The following TUT4 variants were observed in gnomAD, a reference collection of about 807,000 sequenced individuals.
TUT4 encodes the protein terminal uridylyl transferase 4.
A neutral mutation model predicts 192.2 loss-of-function variants in TUT4; 36 were observed. That is an observed-to-expected ratio of 0.19 (90% confidence interval 0.14 to 0.25). The LOEUF (loss-of-function observed/expected upper bound fraction) is 0.25. Among genes scored for constraint, TUT4 ranks in the 10% least tolerant of loss-of-function variants. TUT4 has a pLI of 1.00. For missense variants in TUT4, 1,493 were observed against 1,957.2 expected, an observed-to-expected ratio of 0.76 and a Z score of 4.47; for synonymous variants, 618 against 666.0, an observed-to-expected ratio of 0.93 and a Z score of 1.11.
In TUT4 at chr1:52,525,735, T is replaced by G; in HGVS notation, c.546A>C (p.Lys182Asn). 6.2e-7 allele frequency: 1 copy of G among 1,614,200 alleles called. No homozygotes were observed. Among genetic ancestry groups the G allele is most frequent in the Non-Finnish European group, 8.5e-7 (1 of 1,180,036 alleles). ...RQKTELQQIGKKIPSSFTSVD... is the reference protein window; with the variant it reads ...RQKTELQQIGNKIPSSFTSVD... ...CAGAAGTAAAGGAGCTTGGAATTTT[T>G]TTTCCAATCTGTTGTAATTCTGTCT... Residue 182 changes from lysine to asparagine, a missense_variant, in exon 2 of 30, where the codon AAA (lysine) becomes AAC (asparagine). By Grantham distance (94) the Lys-to-Asn change is moderately conservative (BLOSUM62 0). This residue lies in a region of TUT4 where 260 missense variants were observed against 247.8 expected (regional missense o/e 1.05). Coordinates refer to ENST00000257177, the MANE Select transcript of TUT4 (RefSeq NM_001009881.3).
intron 16 of TUT4, chr1:52,462,286 T>C (rs6664835): frequency 0.025 from 3,828 of 150,826 alleles, 144 homozygotes; most frequent in African/African-American, 0.086. Flanking sequence ...CCCGGGTTCA[T>C]GCCATTCTCC....
chr1:52,529,212 T>C, intron 1 of TUT4, among the ~76,000 whole-genome samples: 1 of 152,146 alleles, frequency 6.6e-6, no homozygotes, highest in Non-Finnish European at 1.5e-5. Context: ...AAAAAAATTT[T>C]AAACCACACT....
intron 20 of TUT4, among the ~76,000 whole-genome samples, chr1:52,454,327 ATT>A: frequency 6.6e-6 from 1 of 152,354 alleles, no homozygotes; most frequent in African/African-American, 2.4e-5. Flanking sequence ...CTCAAGAGTT[ATT>A]ATAACACTAC....
rs1229694130 is a variant in TUT4 at position 52,507,838 on chromosome 1, T to C, written c.999+1758A>G. On this transcript the variant is annotated intron_variant, in intron 4 of 29. Transcript: ENST00000257177. The stretch of plus-strand genomic sequence containing the variant: ...CCTTTTTCTTTTTTTTGTGATAGAG[T>C]CTCGCTCCCTCGCCCAGACTAAAGT... Among the ~76,000 whole-genome samples, 18 of 152,006 alleles carry C rather than the reference T, an allele frequency of 1.2e-4. 1 individual carries two copies. Among genetic ancestry groups the C allele is most frequent in the African/African-American group, 3.9e-4 (16 of 41,380 alleles).
At chr1:52,435,551 G>C in intron 26 of TUT4, 86 bp from the exon 27 acceptor site, 1 of 1,011,192 alleles carries the variant, frequency 9.9e-7, no homozygotes, top group Non-Finnish European at 1.5e-6. Flanking sequence ...TTATGTAAAA[G>C]AATCTCAAAT....
chr1:52,514,589 C>T (rs1399600544), intron 3 of TUT4, among the ~76,000 whole-genome samples: 3 of 152,224 alleles, frequency 2.0e-5, no homozygotes, highest in South Asian at 2.1e-4. Flanking sequence ...TTTCATGTGG[C>T]GACTACTCTG....
intron 24 of TUT4, among the ~76,000 whole-genome samples, chr1:52,441,032 T>C (rs1044175219): frequency 3.9e-5 from 6 of 152,184 alleles, no homozygotes; most frequent in African/African-American, 9.7e-5. Flanking sequence ...ATTTTATGTA[T>C]TTTAACTGAA....
rs148204852 is a variant in TUT4, at chr1:52,531,476, C to T, written c.-93-5103G>A. On this transcript the variant is annotated intron_variant, in intron 1 of 29. Transcript: ENST00000257177. The stretch of plus-strand genomic sequence containing the variant: ...AACAATCTGATTCGTGTCAGTCTCC[C>T]CATGAGATTCTCAAGTCTATGAGGT... Among the ~76,000 whole-genome samples the T allele has an allele frequency of 6.1e-4, 93 of 152,150 alleles. 2 individuals carry two copies. In the East Asian group the frequency reaches 0.017, roughly 28 times the overall value.
intron 20 of TUT4, among the ~76,000 whole-genome samples, 159 bp downstream of exon 20, chr1:52,458,177 A>G (rs1171651629): frequency 6.6e-6 from 1 of 152,222 alleles, no homozygotes; most frequent in Non-Finnish European, 1.5e-5. Context: ...AAATTTTTCA[A>G]AAATATTCAT....
At chr1:52,519,415 G>A (rs535217629) in intron 2 of TUT4, among the ~76,000 whole-genome samples, 3 of 152,122 alleles carry the variant, frequency 2.0e-5, no homozygotes, top group Admixed American at 6.5e-5. Flanking sequence ...TTTGTAGAGT[G>A]ATGAAAATGT....
chr1:52,466,669 T>C (rs1423359327), intron 15 of TUT4, among the ~76,000 whole-genome samples: 1 of 137,214 alleles, frequency 7.3e-6, no homozygotes, highest in Non-Finnish European at 1.5e-5. Context: ...AATATATATA[T>C]ATATATATAT....
At chr1:52,502,422 A>T (rs1009555288) in intron 4 of TUT4, among the ~76,000 whole-genome samples, 1 of 152,110 alleles carries the variant, frequency 6.6e-6, no homozygotes, top group African/African-American at 2.4e-5. Context: ...TAAAAGTCAA[A>T]TATTCAGCGA....
In TUT4 at chr1:52,509,682, G is replaced by C; in HGVS notation, c.913C>G (p.Leu305Val). The change falls in exon 4 of 30, where the codon CTA (leucine) becomes GTA (valine). Residue 305 changes from leucine to valine, a missense_variant. Physicochemically the swap from Leu to Val is conservative, Grantham distance 32. Transcript: ENST00000257177. ...ATGTGAATTAAGCAAAGTTTGCATA[G>C]ATACCGACAATTGGTATATTCTGGT... ...RSPEYTNCRY[L>V]CKLCLIHIEN... is the part of the protein sequence containing the mutation. 6.2e-7 allele frequency: 1 copy of C among 1,611,538 alleles called. No individual in the cohort carries two copies. The highest frequency in any genetic ancestry group is 8.5e-7 in the Non-Finnish European group (1 of 1,178,072).
intron 28 of TUT4, among the ~76,000 whole-genome samples, chr1:52,426,244 C>T (rs1312955836): frequency 6.8e-6 from 1 of 146,574 alleles, no homozygotes; most frequent in Admixed American, 6.6e-5. Context: ...CCATTTTGAA[C>T]CTCAGATTAT....
intron 11 of TUT4, among the ~76,000 whole-genome samples, chr1:52,478,374 A>G (rs2148926251): frequency 6.6e-6 from 1 of 152,348 alleles, no homozygotes; most frequent in Non-Finnish European, 1.5e-5. Context: ...TCCTTCATTC[A>G]GCAAACATTT....
intron 13 of TUT4, 102 bp from the exon 14 acceptor site, chr1:52,472,204 T>C: frequency 2.7e-6 from 3 of 1,121,326 alleles, no homozygotes; most frequent in Non-Finnish European, 3.7e-6. Context: ...TCAGTTTTGA[T>C]AACCTGTGCT....
At chr1:52,535,989 G>A (rs1240459937) in intron 1 of TUT4, among the ~76,000 whole-genome samples, 1 of 152,134 alleles carries the variant, frequency 6.6e-6, no homozygotes, top group Non-Finnish European at 1.5e-5. Context: ...CCGTACAAGT[G>A]CTAAAAGAAA....
intron 1 of TUT4, 28 bp from the exon 2 acceptor site, chr1:52,526,401 C>A: frequency 1.0e-6 from 1 of 966,590 alleles, no homozygotes; most frequent in Non-Finnish European, 1.3e-6. Context: ...AGAGAAAAAT[C>A]TGTTATTTAA....
intron 29 of TUT4, chr1:52,424,239 C>A (rs765013809): frequency 1.8e-4 from 91 of 496,654 alleles, no homozygotes; most frequent in Non-Finnish European, 3.1e-4. Flanking sequence ...GGGAAAAAAC[C>A]CACTAGAAAA....
Sources: gnomAD v4.1 joint callset for allele counts (sites outside exome capture counted in the v4.1 genomes callset) on GRCh38, gnomAD v4.1.1 for gene constraint, gnomAD v4.1.1 regional missense constraint, MANE v1.5 for transcripts, NCBI Gene and HGNC (gene_info 2026-07-23, HGNC 2026-07-21) for gene names.